Variants in TACC2 observed in about 807,000 individuals in gnomAD.
TACC2 encodes transforming acidic coiled-coil-containing protein 2.
In TACC2, 137 loss-of-function variants were observed where a neutral mutation model predicts 227.3. That is an observed-to-expected ratio of 0.60 (90% CI 0.52 to 0.69). The LOEUF is 0.69. Ranked by LOEUF, TACC2 falls within the 30% of genes least tolerant of loss-of-function variation. The pLI, the probability that TACC2 is intolerant of heterozygous loss-of-function variation, is 0.00. For synonymous variants in TACC2, 1,523 were observed against 1,487.5 expected (o/e 1.02, Z -0.55); for missense variants, 3,470 against 3,694.4 (o/e 0.94, Z 1.57).
intron 7 of TACC2, among the ~76,000 whole-genome samples, chr10:122,162,183 G>A (rs2092858113): frequency 6.6e-6 from 1 of 152,168 alleles, no homozygotes; most frequent in Non-Finnish European, 1.5e-5. Flanking sequence ...AGAAAACGAT[G>A]TTGATCCTCT....
chr10:122,187,207 C>T (rs2094231800), intron 7 of TACC2, among the ~76,000 whole-genome samples: 1 of 152,206 alleles, frequency 6.6e-6, no homozygotes, highest in African/African-American at 2.4e-5. Flanking sequence ...CCCACATGGG[C>T]ACAGTGCCAC....
intron 13 of TACC2, 39 bp from the exon 14 acceptor site, chr10:122,227,798 A>G (rs2095657890): frequency 1.3e-6 from 2 of 1,578,854 alleles, no homozygotes; most frequent in Non-Finnish European, 1.7e-6. Context: ...GGGTTTCCCA[A>G]TGAGAAGACT....
At chr10:122,079,446 C>T (rs2079199303) in intron 3 of TACC2, among the ~76,000 whole-genome samples, 1 of 152,152 alleles carries the variant, frequency 6.6e-6, no homozygotes, top group Non-Finnish European at 1.5e-5. Flanking sequence ...CTTTTTTGGC[C>T]TACTCAGCTC....
intron 7 of TACC2, chr10:122,164,022 C>T: frequency 1.3e-6 from 2 of 1,562,326 alleles, no homozygotes; most frequent in Non-Finnish European, 1.7e-6. Context: ...CGCCCCGAGT[C>T]TCCCGGGGAG....
chr10:122,211,993 G>A (rs1428445220), intron 9 of TACC2, among the ~76,000 whole-genome samples: 1 of 152,176 alleles, frequency 6.6e-6, no homozygotes, highest in Non-Finnish European at 1.5e-5. Context: ...AAGACCTAAT[G>A]TTCAACTCCA....
intron 7 of TACC2, among the ~76,000 whole-genome samples, chr10:122,188,115 C>T (rs1233312270): frequency 2.6e-5 from 4 of 151,974 alleles, no homozygotes. Context: ...AGCCAAGAGA[C>T]CCAAGAGGAG....
At chr10:122,235,724 G>A (rs969290608) in intron 16 of TACC2, among the ~76,000 whole-genome samples, 2 of 152,154 alleles carry the variant, frequency 1.3e-5, no homozygotes, top group Admixed American at 1.3e-4. Flanking sequence ...GCGGCTTGGT[G>A]GTGCCCTTGC....
chr10:122,211,636 C>A lies in TACC2; in HGVS notation c.7211C>A (p.Ala2404Asp). ...GCCTCCTTTGAGATCCCAGCCAGTG[C>A]TATGGAAGCCAATGGAGTGGACGGG... The part of the protein sequence containing the change: ...SPASFEIPAS[A>D]MEANGVDGDG... Residue 2404 changes from alanine to aspartate, a missense_variant, in exon 9 of 23, where the codon GCT becomes GAT. Ala to Asp is a moderately radical substitution (Grantham distance 126, BLOSUM62 -2). This residue lies in a region of TACC2 where 593 missense variants were observed against 636.6 expected (regional missense o/e 0.93). Transcript: ENST00000369005. 1 of 1,611,346 alleles carries A rather than the reference C, an allele frequency of 6.2e-7. No homozygotes were observed. The highest frequency in any genetic ancestry group is 8.5e-7 in the Non-Finnish European group (1 of 1,178,838).
intron 5 of TACC2, among the ~76,000 whole-genome samples, chr10:122,108,773 C>T (rs959613768): frequency 1.4e-5 from 2 of 140,436 alleles, no homozygotes; most frequent in African/African-American, 5.3e-5. Context: ...CTCGCTGCGT[C>T]ACCAGGCTGG....
At chr10:122,096,741 C>A (rs1705599539) in intron 5 of TACC2, among the ~76,000 whole-genome samples, 2 of 151,778 alleles carry the variant, frequency 1.3e-5, no homozygotes, top group Non-Finnish European at 2.9e-5. Context: ...TGGGAGGGAG[C>A]CCAAATGGGC....
chr10:122,223,690 A>T (rs901766400), intron 11 of TACC2, among the ~76,000 whole-genome samples: 8 of 152,180 alleles, frequency 5.3e-5, no homozygotes, highest in Admixed American at 2.6e-4. Context: ...TTTTTTGACG[A>T]TGCCTTTAGC....
chr10:122,225,350 TGC>T (rs1165660291), intron 12 of TACC2, among the ~76,000 whole-genome samples: 1 of 152,262 alleles, frequency 6.6e-6, no homozygotes, highest in East Asian at 1.9e-4. Flanking sequence ...CTGGATATGT[TGC>T]TCTTTATCTT....
intron 3 of TACC2, among the ~76,000 whole-genome samples, chr10:122,069,060 C>A (rs372562561): frequency 1.1e-5 from 1 of 95,130 alleles, no homozygotes; most frequent in African/African-American, 4.2e-5. Flanking sequence ...GCCGATCAGT[C>A]CTCCCCTCTC....
intron 2 of TACC2, among the ~76,000 whole-genome samples, chr10:122,038,479 C>T (rs555080246): frequency 2.0e-5 from 3 of 152,028 alleles, no homozygotes; most frequent in Non-Finnish European, 4.4e-5. Context: ...AGGTGGGGGA[C>T]CACTGGACTC....
chr10:122,137,297 A>G (rs74503698), intron 6 of TACC2, among the ~76,000 whole-genome samples: 1 of 150,466 alleles, frequency 6.6e-6, no homozygotes, highest in East Asian at 1.9e-4. Context: ...AAAAAAAAAA[A>G]GCAGAATGAG....
chr10:122,129,486 C>G (rs1113263), intron 5 of TACC2, among the ~76,000 whole-genome samples: 14,797 of 152,160 alleles, frequency 0.097, 1,081 homozygotes, highest in African/African-American at 0.2. Context: ...CAGTTGTGAT[C>G]AGCATATTTG....
intron 18 of TACC2, among the ~76,000 whole-genome samples, chr10:122,240,874 CAG>C (rs1229422407): frequency 1.2e-4 from 18 of 152,176 alleles, no homozygotes; most frequent in Non-Finnish European, 1.9e-4. Context: ...GTATGACAAA[CAG>C]GGGATCTTAG....
intron 20 of TACC2, 123 bp from the exon 21 acceptor site, chr10:122,248,927 G>C: frequency 6.6e-7 from 1 of 1,503,860 alleles, no homozygotes; most frequent in Non-Finnish European, 9.1e-7. Flanking sequence ...GGTCCATGCA[G>C]GCTGGGGAGG....
chr10:122,125,776 C>CTT lies in TACC2; in HGVS notation c.5574-6816_5574-6815dup, dbSNP rs67882679. On this transcript the variant is annotated intron_variant, in intron 5 of 22. Transcript: ENST00000369005. The stretch of plus-strand genomic sequence containing the variant: ...ACTCAAAGGCTACACAATATCCTTC[C>CTT]TTTTTTTTTTTTTTTTTTGAGAGGG... Among the ~76,000 whole-genome samples, 98 of 117,204 alleles carry CTT rather than the reference C, an allele frequency of 8.4e-4. 5 individuals are homozygous for CTT. The highest frequency in any genetic ancestry group is 7.1e-3 in the East Asian group (27 of 3,788). 76.9% of individuals were successfully genotyped at this position (117,204 alleles called of 152,430 possible). A position where few individuals can be genotyped will look rare whatever the true frequency, so the allele number is the denominator to read the frequency against.
Sources: gnomAD v4.1 joint callset for allele counts (sites outside exome capture counted in the v4.1 genomes callset) on GRCh38, gnomAD v4.1.1 for gene constraint, gnomAD v4.1.1 regional missense constraint, MANE v1.5 for transcripts, NCBI Gene and HGNC (gene_info 2026-07-23, HGNC 2026-07-21) for gene names.